The following NKPD1 variants were observed in gnomAD, a reference collection of about 807,000 sequenced individuals.
NKPD1 encodes NTPase KAP family P-loop domain-containing protein 1.
In NKPD1, 37 loss-of-function variants were observed where a neutral mutation model predicts 42.2. The observed-to-expected ratio is 0.88, with a 90% CI of 0.67 to 1.15. NKPD1 has a LOEUF of 1.15. Among genes scored for constraint, NKPD1 ranks in the 50% most tolerant of loss-of-function variants. The probability of loss-of-function intolerance (pLI) is 0.00; values close to 1 mark genes in which losing one functional copy is unlikely to be tolerated. For missense variants in NKPD1, 1,113 were observed against 1,174.6 expected, an observed-to-expected ratio of 0.95 and a Z score of 0.77; for synonymous variants, 552 against 536.5, an observed-to-expected ratio of 1.03 and a Z score of -0.40.
In NKPD1 at chr19:45,149,999, C is replaced by T. The variant is rs1283876422; in HGVS notation, c.*1939G>A. ...CCTTTTTTGTTCGTGACAACGGTCC[C>T]GTGGCTTTACACAGGTGCAAGTTCT... On this transcript the variant is annotated 3_prime_UTR_variant, in exon 5 of 5. Coordinates refer to ENST00000686631, the MANE Select transcript of NKPD1 (RefSeq NM_198478.4). The T allele has an allele frequency of 2.6e-5, 4 of 152,192 alleles. No individual in the cohort carries two copies. The highest frequency in any genetic ancestry group is 5.9e-5 in the Non-Finnish European group (4 of 68,048). The allele number at this position is 152,192 out of a possible 1,614,324, so 9.4% of individuals were successfully genotyped here. A position where few individuals can be genotyped will look rare whatever the true frequency, so the allele number is the denominator to read the frequency against.
Position 45,153,205 on chromosome 19 carries a change from A to T in NKPD1, c.1232T>A (p.Ile411Asn). ...KHLFVSQRKKIERLVSREKFG... is the reference protein window; with the variant it reads ...KHLFVSQRKKNERLVSREKFG... ...CTTTTCACGCGACACCAGCCGCTCG[A>T]TCTTCTTGCGCTGGCTTACGAACAG... Residue 411 changes from isoleucine (I) to asparagine (N), a missense_variant, in exon 5 of 5, where the codon ATC becomes AAC. Physicochemically the swap from Ile to Asn is moderately radical, Grantham distance 149. Coordinates refer to ENST00000686631, the MANE Select transcript of NKPD1 (RefSeq NM_198478.4). 1 of 1,593,548 alleles carries T rather than the reference A, an allele frequency of 6.3e-7. No individual in the cohort carries two copies. The highest frequency in any genetic ancestry group is 8.5e-7 in the Non-Finnish European group (1 of 1,170,654).
chr19:45,160,986 C>G (rs11881433), upstream of NKPD1, among the ~76,000 whole-genome samples: 4,568 of 152,260 alleles, frequency 0.03, 239 homozygotes, highest in African/African-American at 0.1. Flanking sequence ...CCAGCCCGGA[C>G]TGTCAGCGCA....
chr19:45,154,897 C>T (rs1257023668), intron 4 of NKPD1, among the ~76,000 whole-genome samples: 1 of 151,988 alleles, frequency 6.6e-6, no homozygotes, highest in East Asian at 1.9e-4. Flanking sequence ...TGGTGGTGGG[C>T]ACCTGTAGTC....
rs1429000672 is a variant in NKPD1 at position 45,153,128 on chromosome 19, G to A, written c.1309C>T (p.Leu437Phe). 3 of 1,576,250 alleles carry A rather than the reference G, an allele frequency of 1.9e-6. No homozygotes were observed. Among genetic ancestry groups the A allele is most frequent in the Non-Finnish European group, 2.6e-6 (3 of 1,161,818 alleles). The change falls in exon 5 of 5, where the codon CTC becomes TTC. Residue 437 changes from leucine (L) to phenylalanine (F), a missense_variant. Coordinates refer to ENST00000686631, the MANE Select transcript of NKPD1 (RefSeq NM_198478.4). ...TCCAGGAAGCACAGGAAGTCGGTGA[G>A]CAGCTCCACCTCCTTCTTCACCTCG... ...MCEVKKEVEL[L>F]TDFLCFLEIY...
Position 45,153,330 on chromosome 19 carries a change from GT to G in NKPD1, c.1106del (p.His369ProfsTer37). 1 of 1,569,548 alleles carries G rather than the reference GT, an allele frequency of 6.4e-7. No homozygotes were observed. The highest frequency in any genetic ancestry group is 8.6e-7 in the Non-Finnish European group (1 of 1,159,354). On this transcript the variant is annotated frameshift_variant, in exon 5 of 5. Coordinates refer to ENST00000686631, the MANE Select transcript of NKPD1 (RefSeq NM_198478.4). LOFTEE classifies it high-confidence loss of function. ...TGAGCAGGCTGCCGCTCGGGCTGCC[GT>G]GGCCCAGCGCGTGGCCGCCCAGTGA... ...YLSLGGHALG[H>X]GSPSGSLLKV...
chr19:45,154,542 TCTC>T (rs1286681762), intron 4 of NKPD1, among the ~76,000 whole-genome samples: 9 of 152,038 alleles, frequency 5.9e-5, no homozygotes, highest in East Asian at 5.8e-4. Context: ...TATATCCTCT[TCTC>T]CTCCCGGGAC....
rs975798841 is a variant in NKPD1, at chr19:45,152,583, G to A, written c.1854C>T (p.Asn618=). 2 of 1,586,140 alleles carry A rather than the reference G, an allele frequency of 1.3e-6. No homozygotes were observed. ...RDCLYEYVPD[N]VVSMRRIVNT... ...TGACGATGCGCCGCATGGACACCAC[G>A]TTGTCGGGCACGTACTCGTAGAGGC... The change falls in exon 5 of 5, where the codon AAC becomes AAT. Residue 618 remains asparagine, a synonymous_variant. Coordinates refer to ENST00000686631, the MANE Select transcript of NKPD1 (RefSeq NM_198478.4).
chr19:45,152,581 A>G lies in NKPD1; in HGVS notation c.1856T>C (p.Val619Ala). ...GTTGACGATGCGCCGCATGGACACC[A>G]CGTTGTCGGGCACGTACTCGTAGAG... ...DCLYEYVPDNVVSMRRIVNTV... is the reference protein window; with the variant it reads ...DCLYEYVPDNAVSMRRIVNTV... Residue 619 changes from valine (V) to alanine (A), a missense_variant, in exon 5 of 5, where the codon GTG (valine) becomes GCG (alanine). Val to Ala is a moderately conservative substitution (Grantham distance 64). Around this residue, in one of 3 missense-constraint regions of NKPD1, gnomAD observed 867 missense variants for 870.1 expected, o/e 1.00. Transcript: ENST00000686631. The G allele has an allele frequency of 6.3e-7, 1 of 1,586,084 alleles. No individual in the cohort carries two copies.
rs997133409 is a variant in NKPD1 at position 45,158,656 on chromosome 19, T to G, written c.529+7A>C. On this transcript the variant is annotated splice_region_variant and intron_variant, in intron 3 of 4. Transcript: ENST00000686631. This position sits in a 1 kb window ranked among gnomAD's most constrained non-coding sequence, Gnocchi z 4.6. Reference sequence around the variant, plus strand: ...GACAGGGCCCCCAAGAAGGCCAGGGTGAGCACCGGAGCTGTAGGCAGTGAA... The same window carrying G: ...GACAGGGCCCCCAAGAAGGCCAGGGGGAGCACCGGAGCTGTAGGCAGTGAA... 2 of 1,155,494 alleles carry G rather than the reference T, an allele frequency of 1.7e-6. No homozygotes were observed. The highest frequency in any genetic ancestry group is 7.9e-5 in the East Asian group (1 of 12,652). 71.6% of individuals were successfully genotyped at this position (1,155,494 alleles called of 1,614,324 possible).
At position 45,156,555 on chromosome 19, in the gene NKPD1, A is replaced by C. The variant is rs140526405; in HGVS notation, c.530-639T>G. On this transcript the variant is annotated intron_variant, in intron 3 of 4. Transcript: ENST00000686631. ...TTCCCTCTGAAGAGTGGGGCAGCAGAGACACCAGGGAGCAGGAATGCCAAA... is the reference window on the plus strand; with the variant it reads ...TTCCCTCTGAAGAGTGGGGCAGCAGCGACACCAGGGAGCAGGAATGCCAAA... 2.8e-3 allele frequency among the ~76,000 whole-genome samples: 423 copies of C among 152,318 alleles called. 9 individuals are homozygous for C. The highest frequency in any genetic ancestry group is 0.025 in the East Asian group (129 of 5,174).
In NKPD1 at chr19:45,152,151, C is replaced by A. The variant is rs368632347; in HGVS notation, c.2286G>T (p.Ala762=). 3 of 1,598,272 alleles carry A rather than the reference C, an allele frequency of 1.9e-6. No homozygotes were observed. The African/African-American group carries it at 4.0e-5, about 21-fold the overall frequency. The part of the protein sequence containing the change: ...RRMGLIRAVS[A]LKPPSPPKSP... The stretch of plus-strand genomic sequence containing the variant: ...ACTTGGGCGGGCTGGGCGGCTTGAG[C>A]GCGCTGACGGCTCGGATGAGACCCA... The change falls in exon 5 of 5, where the codon GCG becomes GCT. Residue 762 remains alanine (A), a synonymous_variant. Coordinates refer to ENST00000686631, the MANE Select transcript of NKPD1 (RefSeq NM_198478.4).
chr19:45,153,370 C>A lies in NKPD1; in HGVS notation c.1067G>T (p.Gly356Val), dbSNP rs1211831204. ...ALLAALGLGV[G>V]LLYLSLGGHA... Reference sequence around the variant, plus strand: ...GCCGCCCAGTGACAAGTAGAGCAGCCCCACACCCAGGCCCAGCGCCGCCAG... The same window carrying A: ...GCCGCCCAGTGACAAGTAGAGCAGCACCACACCCAGGCCCAGCGCCGCCAG... The change falls in exon 5 of 5, where the codon GGG becomes GTG. Residue 356 changes from glycine (G) to valine (V), a missense_variant. By Grantham distance (109) the Gly-to-Val change is moderately radical. Around this residue, in one of 3 missense-constraint regions of NKPD1, gnomAD observed 867 missense variants for 870.1 expected, o/e 1.00. Coordinates refer to ENST00000686631, the MANE Select transcript of NKPD1 (RefSeq NM_198478.4). The A allele has an allele frequency of 1.2e-5, 19 of 1,566,712 alleles. No homozygotes were observed. Among genetic ancestry groups the A allele is most frequent in the Non-Finnish European group, 1.6e-5 (19 of 1,159,124 alleles).
intron 3 of NKPD1, among the ~76,000 whole-genome samples, chr19:45,157,413 C>T (rs974561765): frequency 3.3e-5 from 5 of 152,120 alleles, no homozygotes; most frequent in East Asian, 3.8e-4. Flanking sequence ...TGGTTGTTAC[C>T]GAGTGGCATA....
At chr19:45,160,997 G>A (rs1968994312), upstream of NKPD1, among the ~76,000 whole-genome samples, 1 of 152,094 alleles carries the variant, frequency 6.6e-6, no homozygotes, top group Non-Finnish European at 1.5e-5. Flanking sequence ...TGTCAGCGCA[G>A]GCCCATCCAG....
intron 2 of NKPD1, 96 bp downstream of exon 2, chr19:45,159,964 T>A: frequency 1.5e-6 from 1 of 656,990 alleles, no homozygotes; most frequent in Non-Finnish European, 2.3e-6. Context: ...GGCTTTTCTC[T>A]CCTGGGGATG....
Position 45,158,346 on chromosome 19 carries a change from AGAG to A in NKPD1, c.529+314_529+316del, listed in dbSNP as rs1007072408. On this transcript the variant is annotated intron_variant, in intron 3 of 4. Transcript: ENST00000686631. The surrounding 1 kb of genome is among the most constrained non-coding windows in gnomAD (Gnocchi z 4.6). ...CATGTACCCTGTACCCTGCTGAGCC[AGAG>A]GAGGGAGCTGAGAAGAGACCAGAGC... is the stretch of plus-strand genomic sequence containing the variant. 2.6e-5 allele frequency among the ~76,000 whole-genome samples: 4 copies of A among 152,228 alleles called. No homozygotes were observed. Among genetic ancestry groups the A allele is most frequent in the Non-Finnish European group, 4.4e-5 (3 of 68,034 alleles).
chr19:45,153,163 C>T lies in NKPD1; in HGVS notation c.1274G>A (p.Gly425Asp). The T allele has an allele frequency of 6.3e-7, 1 of 1,580,558 alleles. No homozygotes were observed. Among genetic ancestry groups the T allele is most frequent in the Non-Finnish European group, 8.6e-7 (1 of 1,164,116 alleles). ...CTCCTTCTTCACCTCGCACATGAAACCCAGCTGGCTGCCGAACTTTTCACG... is the reference window on the plus strand; with the variant it reads ...CTCCTTCTTCACCTCGCACATGAAATCCAGCTGGCTGCCGAACTTTTCACG... ...VSREKFGSQL[G>D]FMCEVKKEVE... The change falls in exon 5 of 5, where the codon GGT becomes GAT. Residue 425 changes from glycine to aspartate, a missense_variant. Around this residue, in one of 3 missense-constraint regions of NKPD1, gnomAD observed 867 missense variants for 870.1 expected, o/e 1.00. Transcript: ENST00000686631.
Position 45,160,231 on chromosome 19 carries a change from G to C in NKPD1, c.-71-10C>G. The C allele has an allele frequency of 1.2e-6, 1 of 820,624 alleles. No homozygotes were observed. Among genetic ancestry groups the C allele is most frequent in the Non-Finnish European group, 1.8e-6 (1 of 562,610 alleles). The allele number at this position is 820,624 out of a possible 1,614,324, so 50.8% of individuals were successfully genotyped here. A position where few individuals can be genotyped will look rare whatever the true frequency, so the allele number is the denominator to read the frequency against. ...AGGCTTGGCGTAGCCTCTGGGGCAC[G>C]AACAGCAGAGAGCTGAGGTCAGGGT... On this transcript the variant is annotated splice_polypyrimidine_tract_variant and intron_variant, in intron 1 of 4. Transcript: ENST00000686631.
Position 45,152,963 on chromosome 19 carries a change from C to T in NKPD1, c.1474G>A (p.Val492Ile). Residue 492 changes from valine (V) to isoleucine (I), a missense_variant, in exon 5 of 5, where the codon GTC becomes ATC. Val to Ile is a conservative substitution (Grantham distance 29). Coordinates refer to ENST00000686631, the MANE Select transcript of NKPD1 (RefSeq NM_198478.4). ...GCGGCCAGGATGCTGGGGTCCACGA[C>T]CAGGATGAAGATGAAGGGCGCGTGG... ...DSHAPFIFIL[V>I]VDPSILAACL... 2 of 1,586,178 alleles carry T rather than the reference C, an allele frequency of 1.3e-6. No individual in the cohort carries two copies. The highest frequency in any genetic ancestry group is 1.3e-5 in the African/African-American group (1 of 74,506).
Sources: gnomAD v4.1 joint callset for allele counts (sites outside exome capture counted in the v4.1 genomes callset) on GRCh38, gnomAD v4.1.1 for gene constraint, gnomAD v4.1.1 regional missense constraint, Gnocchi (gnomAD v3.1) non-coding constraint, MANE v1.5 for transcripts, NCBI Gene and HGNC (gene_info 2026-07-23, HGNC 2026-07-21) for gene names.